UBE2QL1: variants seen among roughly 807,000 people sequenced by gnomAD.
UBE2QL1 encodes ubiquitin conjugating enzyme E2 QL1.
Under a neutral mutation model 12.6 loss-of-function variants are expected in UBE2QL1, and 5 were observed. The ratio of observed to expected loss-of-function variants is 0.40; its 90% CI spans 0.21 to 0.83. The LOEUF is 0.83. Among genes scored for constraint, UBE2QL1 ranks in the 40% least tolerant of loss-of-function variants. The pLI, the probability that UBE2QL1 is intolerant of heterozygous loss-of-function variation, is 0.37. For missense variants in UBE2QL1, 99 were observed against 222.6 expected, an observed-to-expected ratio of 0.44 and a Z score of 3.53; for synonymous variants, 96 against 94.5, an observed-to-expected ratio of 1.02 and a Z score of -0.10.
chr5:6,455,209 T>C (rs1174513934), intron 1 of UBE2QL1, among the ~76,000 whole-genome samples: 2 of 152,168 alleles, frequency 1.3e-5, no homozygotes, highest in Admixed American at 6.5e-5. Flanking sequence ...AATGTGCCCA[T>C]GTGGACACTA....
chr5:6,485,681 G>A (rs1405719570), intron 1 of UBE2QL1, among the ~76,000 whole-genome samples: 1 of 152,142 alleles, frequency 6.6e-6, no homozygotes, highest in African/African-American at 2.4e-5. Flanking sequence ...ATGAGTGCAG[G>A]AAACTCAAAA....
chr5:6,459,226 T>G (rs1193679565), intron 1 of UBE2QL1, among the ~76,000 whole-genome samples: 2 of 152,172 alleles, frequency 1.3e-5, no homozygotes, highest in Non-Finnish European at 2.9e-5. Context: ...ACTGCTACTC[T>G]AACTATAAAG....
chr5:6,490,886 T>C (rs1015259568), intron 1 of UBE2QL1, among the ~76,000 whole-genome samples: 4 of 152,164 alleles, frequency 2.6e-5, no homozygotes, highest in African/African-American at 9.7e-5. Flanking sequence ...GGCCGTCCCC[T>C]CCTGCGTGTC....
Position 6,449,079 on chromosome 5 carries a change from C to T in UBE2QL1, c.186C>T (p.Phe62=), listed in dbSNP as rs1458703486. 8.4e-6 allele frequency: 13 copies of T among 1,548,320 alleles called. No individual in the cohort carries two copies. In the Admixed American group the frequency reaches 9.9e-5, roughly 12 times the overall value. ...TCAACCTCACCTTCCCCGACAACTT[C>T]CCCTTCTCGCCGCCCTTCATGCGGG... The part of the protein sequence containing the change: ...ILLNLTFPDN[F]PFSPPFMRVL... The change falls in exon 1 of 2, where the codon TTC becomes TTT. Residue 62 remains phenylalanine (F), a synonymous_variant. Transcript: ENST00000399816.
At chr5:6,456,349 G>A (rs1008767658) in intron 1 of UBE2QL1, among the ~76,000 whole-genome samples, 1 of 152,148 alleles carries the variant, frequency 6.6e-6, no homozygotes, top group Non-Finnish European at 1.5e-5. Context: ...TCCAAGTGAT[G>A]TTCTTAGAGG....
chr5:6,459,018 G>A (rs1739593924), intron 1 of UBE2QL1, among the ~76,000 whole-genome samples: 1 of 151,994 alleles, frequency 6.6e-6, no homozygotes, highest in African/African-American at 2.4e-5. Context: ...GCAAAGCCAG[G>A]GGCCTTGTCC....
chr5:6,449,253 G>T lies in UBE2QL1; in HGVS notation c.354+6G>T, dbSNP rs1298557687. On this transcript the variant is annotated splice_donor_region_variant and intron_variant, in intron 1 of 1. Transcript: ENST00000399816. ...CCAGCCTGGTCAAGGGCCAGGTAAG[G>T]CGAGCGCGCCGGGGCTGGGGGCGCG... The T allele has an allele frequency of 1.0e-5, 14 of 1,388,982 alleles. No individual in the cohort carries two copies. The African/African-American group carries it at 2.1e-4, about 21-fold the overall frequency. The allele number at this position is 1,388,982 out of a possible 1,614,324, so 86.0% of individuals were successfully genotyped here. A position where few individuals can be genotyped will look rare whatever the true frequency, so the allele number is the denominator to read the frequency against.
chr5:6,461,196 C>CGAA (rs2126334338), intron 1 of UBE2QL1, among the ~76,000 whole-genome samples: 1 of 152,320 alleles, frequency 6.6e-6, no homozygotes, highest in African/African-American at 2.4e-5. Flanking sequence ...CAATTGGAGG[C>CGAA]TATTCAACAG....
At chr5:6,459,127 C>A (rs1739597128) in intron 1 of UBE2QL1, among the ~76,000 whole-genome samples, 1 of 152,072 alleles carries the variant, frequency 6.6e-6, no homozygotes, top group Non-Finnish European at 1.5e-5. Context: ...GTGGCTGTGA[C>A]CCCACCCCTC....
chr5:6,451,928 G>A (rs947252217), intron 1 of UBE2QL1, among the ~76,000 whole-genome samples: 3 of 152,200 alleles, frequency 2.0e-5, no homozygotes, highest in Non-Finnish European at 4.4e-5. Flanking sequence ...AGGTATTCAA[G>A]GAGAACTGGG....
rs747974558 is a variant in UBE2QL1 at position 6,478,507 on chromosome 5, G to A, written c.355-12711G>A. The stretch of plus-strand genomic sequence containing the variant: ...AAGTTTGGGCTTTTTGGTCAAAGTC[G>A]TGAAGCTCCTGCTAGCAGGGCAGAC... On this transcript the variant is annotated intron_variant, in intron 1 of 1. Coordinates refer to ENST00000399816, the MANE Select transcript of UBE2QL1 (RefSeq NM_001145161.3). This position sits in a 1 kb window ranked among gnomAD's most constrained non-coding sequence, Gnocchi z 4.5. Among the ~76,000 whole-genome samples the A allele has an allele frequency of 1.1e-4, 17 of 152,210 alleles. No individual in the cohort carries two copies. Among genetic ancestry groups the A allele is most frequent in the Non-Finnish European group, 1.8e-4 (12 of 68,042 alleles).
chr5:6,466,608 G>A (rs149384499), intron 1 of UBE2QL1, among the ~76,000 whole-genome samples: 1 of 152,352 alleles, frequency 6.6e-6, no homozygotes, highest in Admixed American at 6.5e-5. Context: ...TTCAGGCACT[G>A]CTAGATCATG....
At chr5:6,483,077 A>C (rs955925099) in intron 1 of UBE2QL1, among the ~76,000 whole-genome samples, 77 of 152,176 alleles carry the variant, frequency 5.1e-4, no homozygotes, top group African/African-American at 1.6e-3. Flanking sequence ...AAAGAAGAAA[A>C]GACATGCTTA....
chr5:6,493,764 C>T lies in UBE2QL1; in HGVS notation c.*2415C>T, dbSNP rs1734620739. The T allele has an allele frequency of 6.6e-6, 1 of 152,176 alleles. No individual in the cohort carries two copies. Among genetic ancestry groups the T allele is most frequent in the South Asian group, 2.1e-4 (1 of 4,828 alleles). The allele number at this position is 152,176 out of a possible 1,614,324, so 9.4% of individuals were successfully genotyped here. A position where few individuals can be genotyped will look rare whatever the true frequency, so the allele number is the denominator to read the frequency against. ...GCTTGGACTGTTAGGAGTGCGGACT[C>T]CCTTTCTGGTAGACTCCCTTCGTAG... On this transcript the variant is annotated 3_prime_UTR_variant, in exon 2 of 2. Coordinates refer to ENST00000399816, the MANE Select transcript of UBE2QL1 (RefSeq NM_001145161.3).
intron 1 of UBE2QL1, among the ~76,000 whole-genome samples, chr5:6,474,910 C>G (rs1182251965): frequency 6.6e-6 from 1 of 152,194 alleles, no homozygotes; most frequent in African/African-American, 2.4e-5. Context: ...TGGCATTGTG[C>G]AGTTTACATC....
At chr5:6,486,478 G>C (rs1476705635) in intron 1 of UBE2QL1, among the ~76,000 whole-genome samples, 1 of 152,092 alleles carries the variant, frequency 6.6e-6, no homozygotes, top group African/African-American at 2.4e-5. Context: ...TATGTCTCAA[G>C]GCTTAGCTTA....
chr5:6,484,441 G>C (rs960214263), intron 1 of UBE2QL1, among the ~76,000 whole-genome samples: 2 of 152,148 alleles, frequency 1.3e-5, no homozygotes, highest in Non-Finnish European at 2.9e-5. Context: ...CGGTGCCTCT[G>C]CCTTCAGTCT....
chr5:6,461,542 C>CCCG (rs776890108), intron 1 of UBE2QL1, among the ~76,000 whole-genome samples: 2 of 86,428 alleles, frequency 2.3e-5, no homozygotes, highest in Non-Finnish European at 4.8e-5. Context: ...CAGCACCCAC[C>CCCG]ACCCCCCCCC....
At chr5:6,465,600 T>G (rs1464308285) in intron 1 of UBE2QL1, among the ~76,000 whole-genome samples, 1 of 152,148 alleles carries the variant, frequency 6.6e-6, no homozygotes, top group African/African-American at 2.4e-5. Context: ...TTGCACCTCG[T>G]TTCAACAGGG....
Sources: gnomAD v4.1 joint callset for allele counts (sites outside exome capture counted in the v4.1 genomes callset) on GRCh38, gnomAD v4.1.1 for gene constraint, Gnocchi (gnomAD v3.1) non-coding constraint, MANE v1.5 for transcripts, NCBI Gene and HGNC (gene_info 2026-07-23, HGNC 2026-07-21) for gene names.